The following MYH4 variants were observed in gnomAD, a reference collection of about 807,000 sequenced individuals.
The protein encoded by MYH4 is myosin-4.
MYH4 carries 200 observed loss-of-function variants against 229.9 expected under a neutral mutation model. The observed-to-expected ratio is 0.87, with a 90% confidence interval of 0.78 to 0.98. MYH4 has a LOEUF of 0.98. Ranked by LOEUF, MYH4 falls within the 50% of genes least tolerant of loss-of-function variation. MYH4 has a pLI of 0.00. For synonymous variants in MYH4, 761 were observed against 834.6 expected, an observed-to-expected ratio of 0.91 and a Z score of 1.52; for missense variants, 2,148 against 2,332.6, an observed-to-expected ratio of 0.92 and a Z score of 1.63.
Position 10,464,527 on chromosome 17 carries a change from G to A in MYH4, c.593C>T (p.Thr198Ile). 1 of 1,614,054 alleles carries A rather than the reference G, an allele frequency of 6.2e-7. No individual in the cohort carries two copies. The highest frequency in any genetic ancestry group is 1.3e-5 in the African/African-American group (1 of 75,016). ...NTKRVIQYFA[T>I]IAVTGEKKKE... ...TTTCTTCTCTCCAGTAACTGCAATT[G>A]TTGCAAAGTACTGGATGACACGCTT... Residue 198 changes from threonine to isoleucine, a missense_variant, in exon 7 of 40, where the codon ACA (threonine) becomes ATA (isoleucine). Thr to Ile is a moderately conservative substitution (Grantham distance 89, BLOSUM62 -1). Coordinates refer to ENST00000255381, the MANE Select transcript of MYH4 (RefSeq NM_017533.2).
chr17:10,448,051 G>C lies in MYH4; in HGVS notation c.4732C>G (p.Arg1578Gly). The change falls in exon 34 of 40, where the codon CGA (arginine) becomes GGA (glycine). Residue 1578 changes from arginine (R) to glycine (G), a missense_variant. Transcript: ENST00000255381. ...ELNQVKSEID[R>G]KIAEKDEELD... ...TCTTCATCTTTTTCAGCAATTTTTC[G>C]GTCAATCTCAGATTTCACCTGATTT... 1 of 1,613,792 alleles carries C rather than the reference G, an allele frequency of 6.2e-7. No individual in the cohort carries two copies. Among genetic ancestry groups the C allele is most frequent in the Non-Finnish European group, 8.5e-7 (1 of 1,179,948 alleles).
Position 10,454,597 on chromosome 17 carries a change from C to T in MYH4, c.2649G>A (p.Thr883=), listed in dbSNP as rs1243876393. ...GTAAGTCATTTTTCTCTTGCATTAG[C>T]GTCACCATCTTTTCTTCTAGTTCTT... ...KRKELEEKMV[T]LMQEKNDLQL... is the part of the protein sequence containing the mutation. The change falls in exon 22 of 40, where the codon ACG becomes ACA. Residue 883 remains threonine, a synonymous_variant. Coordinates refer to ENST00000255381, the MANE Select transcript of MYH4 (RefSeq NM_017533.2). 14 of 1,613,938 alleles carry T rather than the reference C, an allele frequency of 8.7e-6. No individual in the cohort carries two copies. Among genetic ancestry groups the T allele is most frequent in the African/African-American group, 8.0e-5 (6 of 74,880 alleles).
chr17:10,450,780 A>AG lies in MYH4; in HGVS notation c.3980dup (p.Lys1328Ter). The AG allele has an allele frequency of 6.2e-7, 1 of 1,612,960 alleles. No homozygotes were observed. The highest frequency in any genetic ancestry group is 8.5e-7 in the Non-Finnish European group (1 of 1,178,988). On this transcript the variant is annotated frameshift_variant, in exon 29 of 40. Transcript: ENST00000255381. LOFTEE classifies it high-confidence loss of function. ...GTATCAGCTGGAGAATTCTCACCTT[A>AG]GTCTCCTCTTCTAGCTGCCTCTTTA...
In MYH4 at chr17:10,451,346, G is replaced by A. The variant is rs141846097; in HGVS notation, c.3845C>T (p.Ala1282Val). 6.1e-5 allele frequency: 98 copies of A among 1,613,840 alleles called. 1 individual carries two copies. The highest frequency in any genetic ancestry group is 7.6e-5 in the Non-Finnish European group (90 of 1,179,976). The change falls in exon 28 of 40, where the codon GCA (alanine) becomes GTA (valine). Residue 1282 changes from alanine to valine, a missense_variant. Coordinates refer to ENST00000255381, the MANE Select transcript of MYH4 (RefSeq NM_017533.2). The part of the protein sequence containing the change: ...RLINELSAQK[A>V]RLHTESGEFS... ...CTGACCTGATTCTGTGTGTAAACGT[G>A]CCTTCTGGGCTGACAACTCATTTAT...
At chr17:10,461,180 C>T (rs1025826380) in intron 11 of MYH4, 126 bp from the exon 12 acceptor site, 15 of 1,050,462 alleles carry the variant, frequency 1.4e-5, no homozygotes, top group East Asian at 4.8e-5. Context: ...ACTTTGCCAT[C>T]TTCAAAAGGT....
At chr17:10,466,124 T>A in intron 4 of MYH4, 149 bp downstream of exon 4, 2 of 1,043,960 alleles carry the variant, frequency 1.9e-6, no homozygotes, top group South Asian at 3.5e-5. Flanking sequence ...ATGTACATTT[T>A]AAAACATATC....
intron 12 of MYH4, 30 bp downstream of exon 12, chr17:10,460,886 C>A: frequency 6.2e-7 from 1 of 1,612,328 alleles, no homozygotes; most frequent in South Asian, 1.1e-5. Context: ...TCAGCTTTGT[C>A]AAGTGGAAGA....
chr17:10,449,857 A>G, intron 30 of MYH4, among the ~76,000 whole-genome samples: 1 of 152,194 alleles, frequency 6.6e-6, no homozygotes. Flanking sequence ...ATCCTGTTTA[A>G]TTCTAACAAC....
Position 10,448,355 on chromosome 17 carries a change from AATTT to A in MYH4, c.4656+37_4656+40del, listed in dbSNP as rs573358712. 1.2e-4 allele frequency: 185 copies of A among 1,579,004 alleles called. 2 individuals carry two copies. In the South Asian group the frequency reaches 2.0e-3, roughly 17 times the overall value. ...GAGATCTCAGTTGCTATTAATTTTC[AATTT>A]ATTTATAATGCAGAGCTAAGCAAAT... On this transcript the variant is annotated intron_variant, in intron 33 of 39. Transcript: ENST00000255381.
At chr17:10,453,957 T>C (rs2072608554) in intron 22 of MYH4, 72 bp from the exon 23 acceptor site, 1 of 1,579,138 alleles carries the variant, frequency 6.3e-7, no homozygotes, top group Non-Finnish European at 8.6e-7. Flanking sequence ...TATTATAAGG[T>C]GGAAATTTCA....
Position 10,447,912 on chromosome 17 carries a change from C to T in MYH4, c.4871G>A (p.Gly1624Glu), listed in dbSNP as rs778455809. The change falls in exon 34 of 40, where the codon GGA (glycine) becomes GAA (glutamate). Residue 1624 changes from glycine to glutamate, a missense_variant. Coordinates refer to ENST00000255381, the MANE Select transcript of MYH4 (RefSeq NM_017533.2). ...DALRIKKKME[G>E]DLNEMEIQLN... ...CTGGATTTCCATTTCATTAAGATCT[C>T]CCTCCATCTTCTTCTTGATCCTCAG... The T allele has an allele frequency of 5.0e-6, 8 of 1,613,898 alleles. No homozygotes were observed. In the African/African-American group the frequency reaches 5.3e-5, roughly 11 times the overall value.
chr17:10,444,482 C>A, intron 39 of MYH4, 122 bp downstream of exon 39: 1 of 690,794 alleles, frequency 1.4e-6, no homozygotes, highest in South Asian at 2.1e-5. Flanking sequence ...TCTAAATATT[C>A]ATGTTCATAC....
intron 38 of MYH4, 39 bp downstream of exon 38, chr17:10,444,756 G>T (rs2072491557): frequency 6.2e-7 from 1 of 1,612,724 alleles, no homozygotes; most frequent in East Asian, 2.2e-5. Context: ...TGATTTTCTT[G>T]AAAACTATAG....
rs2072520184 is a variant in MYH4 at position 10,447,094 on chromosome 17, C to G, written c.5088G>C (p.Leu1696=). 6.2e-7 allele frequency: 1 copy of G among 1,613,990 alleles called. No individual in the cohort carries two copies. Among genetic ancestry groups the G allele is most frequent in the South Asian group, 1.1e-5 (1 of 91,080 alleles). The change falls in exon 35 of 40, where the codon CTG becomes CTC. Residue 1696 remains leucine (L), a synonymous_variant. Coordinates refer to ENST00000255381, the MANE Select transcript of MYH4 (RefSeq NM_017533.2). The part of the protein sequence containing the change: ...QAEVEELRAS[L]ERTERGRKMA... ...TTTTCCTGCCTCTCTCAGTCCGTTC[C>G]AGGGATGCCCTGAGCTCTTCAACTT...
At chr17:10,459,131 AAT>A in intron 15 of MYH4, 118 bp downstream of exon 15, 2 of 1,508,972 alleles carry the variant, frequency 1.3e-6, no homozygotes, top group South Asian at 2.4e-5. Flanking sequence ...AACCAATCAG[AAT>A]ATACGAGTGT....
Position 10,447,195 on chromosome 17 carries a change from C to T in MYH4, c.4987G>A (p.Asp1663Asn). 1 of 1,614,120 alleles carries T rather than the reference C, an allele frequency of 6.2e-7. No individual in the cohort carries two copies. Among genetic ancestry groups the T allele is most frequent in the South Asian group, 1.1e-5 (1 of 91,078 alleles). Residue 1663 changes from aspartate to asparagine, a missense_variant, in exon 35 of 40, where the codon GAT becomes AAT. Transcript: ENST00000255381. ...ILKDTQLHLDDAIRGQDDLKE... is the reference protein window; with the variant it reads ...ILKDTQLHLDNAIRGQDDLKE... ...AGGTCATCTTGGCCTCTGATGGCATCATCCAAATGTAGCTGAGTGTCCTAC... is the reference window on the plus strand; with the variant it reads ...AGGTCATCTTGGCCTCTGATGGCATTATCCAAATGTAGCTGAGTGTCCTAC...
At chr17:10,462,785 C>A in intron 11 of MYH4, 80 bp downstream of exon 11, 1 of 1,201,196 alleles carries the variant, frequency 8.3e-7, no homozygotes, top group Non-Finnish European at 1.2e-6. Context: ...CTTTCTGCCA[C>A]TGCTTTCCAC....
Position 10,452,291 on chromosome 17 carries a change from G to C in MYH4, c.3388C>G (p.Arg1130Gly), listed in dbSNP as rs772548795. The change falls in exon 27 of 40, where the codon CGG (arginine) becomes GGG (glycine). Residue 1130 changes from arginine (R) to glycine (G), a missense_variant. By Grantham distance (125) the Arg-to-Gly change is moderately radical (BLOSUM62 -2). Transcript: ENST00000255381. ...TTCTCTGCTTTGGCCCGGGAGGCCC[G>C]CTCTGCCTCGATTTCCTCCTCCAGC... ...EELEEEIEAE[R>G]ASRAKAEKQR... The C allele has an allele frequency of 6.2e-7, 1 of 1,614,062 alleles. No homozygotes were observed. Among genetic ancestry groups the C allele is most frequent in the East Asian group, 2.2e-5 (1 of 44,872 alleles).
intron 5 of MYH4, 68 bp downstream of exon 5, chr17:10,465,374 T>A: frequency 1.3e-6 from 2 of 1,562,856 alleles, no homozygotes; most frequent in Non-Finnish European, 1.8e-6. Flanking sequence ...ATACTAGCCC[T>A]ATGTTTTTTC....
Sources: gnomAD v4.1 joint callset for allele counts (sites outside exome capture counted in the v4.1 genomes callset) on GRCh38, gnomAD v4.1.1 for gene constraint, MANE v1.5 for transcripts, NCBI Gene and HGNC (gene_info 2026-07-23, HGNC 2026-07-21) for gene names.